The following GPHN variants were observed in gnomAD, a reference collection of about 807,000 sequenced individuals.
GPHN encodes the protein gephyrin.
In GPHN, 17 loss-of-function variants were observed where a neutral mutation model predicts 95.5. That is an observed-to-expected ratio of 0.18 (90% CI 0.12 to 0.27). The LOEUF (loss-of-function observed/expected upper bound fraction) is 0.27. Among genes scored for constraint, GPHN ranks in the 10% least tolerant of loss-of-function variants. The pLI is 1.00. For synonymous variants in GPHN, 320 were observed against 322.5 expected (o/e 0.99, Z 0.08); for missense variants, 660 against 978.1 (o/e 0.67, Z 4.34).
chr14:66,844,386 C>T (rs1218853835), intron 4 of GPHN, among the ~76,000 whole-genome samples: 1 of 152,034 alleles, frequency 6.6e-6, no homozygotes. Flanking sequence ...AGCTCAAATA[C>T]AAGAACCAAA....
the GPHN span, among the ~76,000 whole-genome samples, chr14:67,642,748 C>T: frequency 7.1e-6 from 1 of 141,704 alleles, no homozygotes; most frequent in South Asian, 2.2e-4. Context: ...AGCATTTCTG[C>T]TAATAGACCT....
At chr14:67,614,355 C>T in the GPHN span, among the ~76,000 whole-genome samples, 1 of 152,136 alleles carries the variant, frequency 6.6e-6, no homozygotes, top group Non-Finnish European at 1.5e-5. Flanking sequence ...TGTAGTTTAC[C>T]CTTCTCTGAG....
intron 15 of GPHN, among the ~76,000 whole-genome samples, chr14:67,112,341 A>G (rs1379873549): frequency 1.3e-5 from 2 of 152,240 alleles, no homozygotes; most frequent in Non-Finnish European, 2.9e-5. Flanking sequence ...TCCTTGTTAT[A>G]TACAAAGATG....
chr14:67,504,860 A>G, the GPHN span, among the ~76,000 whole-genome samples: 3 of 152,178 alleles, frequency 2.0e-5, no homozygotes, highest in Admixed American at 6.5e-5. Context: ...CACTCCAATC[A>G]GGGCAACAAG....
chr14:66,647,275 G>A (rs2064805643), intron 1 of GPHN, among the ~76,000 whole-genome samples: 1 of 148,798 alleles, frequency 6.7e-6, no homozygotes, highest in South Asian at 2.2e-4. Flanking sequence ...ATCAGATCAT[G>A]CCAACCCTTT....
intron 4 of GPHN, among the ~76,000 whole-genome samples, chr14:66,861,046 A>G (rs1190692498): frequency 6.6e-6 from 1 of 152,084 alleles, no homozygotes; most frequent in African/African-American, 2.4e-5. Context: ...TAATAATAAC[A>G]TTGAATTATA....
chr14:67,708,536 C>T, the GPHN span, among the ~76,000 whole-genome samples: 1 of 151,966 alleles, frequency 6.6e-6, no homozygotes, highest in Non-Finnish European at 1.5e-5. Flanking sequence ...AAACAATTGA[C>T]AAGGAAATTT....
the GPHN span, among the ~76,000 whole-genome samples, chr14:67,710,822 G>T: frequency 1.3e-5 from 2 of 151,176 alleles, no homozygotes; most frequent in African/African-American, 4.9e-5. Context: ...TATAACTTTA[G>T]ATTCTAAATT....
At chr14:66,964,273 T>C (rs2069161862) in intron 8 of GPHN, among the ~76,000 whole-genome samples, 2 of 152,006 alleles carry the variant, frequency 1.3e-5, no homozygotes, top group African/African-American at 2.4e-5. Flanking sequence ...TTGAAAGTGC[T>C]AAATAATCTA....
At chr14:67,429,331 A>G in the GPHN span, among the ~76,000 whole-genome samples, 5 of 151,562 alleles carry the variant, frequency 3.3e-5, no homozygotes, top group Non-Finnish European at 7.4e-5. Flanking sequence ...CCCGGGTTCA[A>G]GCGATTCTCC....
At chr14:67,562,267 G>A in the GPHN span, 1 of 1,613,500 alleles carries the variant, frequency 6.2e-7, no homozygotes, top group Non-Finnish European at 8.5e-7. Flanking sequence ...AGGGTCTGAA[G>A]GCAGCTGTGC....
At chr14:67,639,237 G>C in the GPHN span, among the ~76,000 whole-genome samples, 1 of 152,178 alleles carries the variant, frequency 6.6e-6, no homozygotes, top group Non-Finnish European at 1.5e-5. Flanking sequence ...GTTTATCTGA[G>C]TCTACATCCT....
chr14:67,360,438 A>C, the GPHN span: 3 of 387,912 alleles, frequency 7.7e-6, no homozygotes, highest in African/African-American at 6.2e-5. Flanking sequence ...CCAGTGCGGG[A>C]ATCACACACA....
the GPHN span, among the ~76,000 whole-genome samples, chr14:67,251,761 G>C: frequency 6.6e-6 from 1 of 152,158 alleles, no homozygotes; most frequent in Non-Finnish European, 1.5e-5. Context: ...TCTTTTGTTT[G>C]AATGAGGGTG....
intron 11 of GPHN, among the ~76,000 whole-genome samples, chr14:67,061,962 C>G (rs1414891560): frequency 6.6e-6 from 1 of 152,164 alleles, no homozygotes; most frequent in Non-Finnish European, 1.5e-5. Context: ...CCCCCTTTCC[C>G]TAGCTGAGTT....
chr14:66,879,345 A>G (rs931016518), intron 4 of GPHN, among the ~76,000 whole-genome samples: 2 of 130,950 alleles, frequency 1.5e-5, no homozygotes, highest in Non-Finnish European at 3.0e-5. Context: ...CCAGAACTGA[A>G]AGTATATTAA....
intron 17 of GPHN, among the ~76,000 whole-genome samples, chr14:67,136,882 A>G (rs184779807): frequency 5.9e-5 from 9 of 152,250 alleles, no homozygotes; most frequent in Admixed American, 1.3e-4. Flanking sequence ...ATCAAGATTC[A>G]TGTTAGTATT....
At chr14:66,567,237 A>G (rs907865762) in intron 1 of GPHN, among the ~76,000 whole-genome samples, 8 of 152,192 alleles carry the variant, frequency 5.3e-5, no homozygotes, top group African/African-American at 1.7e-4. Flanking sequence ...GAGCAACAGT[A>G]GAGCCTAGAG....
intron 4 of GPHN, among the ~76,000 whole-genome samples, chr14:66,826,583 C>A (rs139955199): frequency 6.6e-6 from 1 of 152,172 alleles, no homozygotes; most frequent in Non-Finnish European, 1.5e-5. Context: ...CCGCGTCCCC[C>A]ACCCCACTCT....
Sources: allele counts gnomAD v4.1 joint callset (sites outside exome capture counted in the v4.1 genomes callset), GRCh38; gene constraint gnomAD v4.1.1; transcripts MANE v1.5; gene names NCBI Gene and HGNC (gene_info 2026-07-23, HGNC 2026-07-21).